Variants in CA10 observed in about 807,000 individuals in gnomAD.
CA10 encodes carbonic anhydrase-related protein 10.
Under a neutral mutation model 44.2 loss-of-function variants are expected in CA10, and 14 were observed. The ratio of observed to expected loss-of-function variants is 0.32; its 90% CI spans 0.21 to 0.50. The LOEUF is 0.50. Among genes scored for constraint, CA10 ranks in the 20% least tolerant of loss-of-function variants. The pLI, the probability that CA10 is intolerant of heterozygous loss-of-function variation, is 0.99. For missense variants in CA10, 350 were observed against 409.7 expected, an observed-to-expected ratio of 0.85 and a Z score of 1.26; for synonymous variants, 159 against 141.6, an observed-to-expected ratio of 1.12 and a Z score of -0.87.
chr17:52,150,953 C>T (rs2143411463), intron 1 of CA10, among the ~76,000 whole-genome samples: 1 of 152,008 alleles, frequency 6.6e-6, no homozygotes, highest in East Asian at 1.9e-4. Flanking sequence ...AAGTGTATCA[C>T]TTAGAATGTC....
chr17:52,122,791 C>T (rs1989039849), intron 1 of CA10, among the ~76,000 whole-genome samples: 1 of 152,162 alleles, frequency 6.6e-6, no homozygotes. Flanking sequence ...TCAAGAGAAA[C>T]TGTAATTGGA....
chr17:51,968,152 ATT>A (rs1984150298), intron 2 of CA10, among the ~76,000 whole-genome samples: 1 of 151,886 alleles, frequency 6.6e-6, no homozygotes, highest in South Asian at 2.1e-4. Context: ...CAGTTTGATA[ATT>A]TGTTATAAAG....
At chr17:52,039,325 A>C (rs943940166) in intron 2 of CA10, among the ~76,000 whole-genome samples, 3 of 152,106 alleles carry the variant, frequency 2.0e-5, no homozygotes, top group African/African-American at 7.2e-5. Flanking sequence ...CTTCCATTCC[A>C]CACAGCACCT....
At chr17:52,058,190 TGGAACTCAGAAGGATCA>T (rs1340638409) in intron 2 of CA10, among the ~76,000 whole-genome samples, 1 of 152,164 alleles carries the variant, frequency 6.6e-6, no homozygotes, top group East Asian at 1.9e-4. Flanking sequence ...CTGGATCAGA[TGGAACTCAGAAGGATCA>T]GGAACTCAGT....
intron 2 of CA10, among the ~76,000 whole-genome samples, chr17:52,025,905 T>A (rs139970778): frequency 1.8e-3 from 269 of 152,208 alleles, no homozygotes; most frequent in African/African-American, 6.1e-3. Flanking sequence ...CAGGATGTAT[T>A]TCTATGCTTT....
At chr17:51,882,968 G>A (rs1057057349) in intron 3 of CA10, among the ~76,000 whole-genome samples, 3 of 142,416 alleles carry the variant, frequency 2.1e-5, no homozygotes, top group African/African-American at 7.4e-5. Flanking sequence ...CTTGGGTAAG[G>A]TACTGGTGGA....
At chr17:52,099,112 C>T (rs1333491129) in intron 1 of CA10, among the ~76,000 whole-genome samples, 1 of 152,004 alleles carries the variant, frequency 6.6e-6, no homozygotes, top group Non-Finnish European at 1.5e-5. Flanking sequence ...GTCATTTAAG[C>T]TCAGACCTGC....
At chr17:51,713,932 C>T (rs1310968634) in intron 4 of CA10, among the ~76,000 whole-genome samples, 1 of 152,164 alleles carries the variant, frequency 6.6e-6, no homozygotes, top group African/African-American at 2.4e-5. Context: ...TTCTTGTGGT[C>T]CTTGATTCTA....
chr17:52,029,534 C>G (rs900158459), intron 2 of CA10, among the ~76,000 whole-genome samples: 3 of 144,178 alleles, frequency 2.1e-5, no homozygotes, highest in Admixed American at 2.1e-4. Flanking sequence ...CACCCCACAA[C>G]AGGCTTAGGA....
chr17:51,777,862 G>A (rs182124335), intron 3 of CA10, among the ~76,000 whole-genome samples: 1 of 152,154 alleles, frequency 6.6e-6, no homozygotes, highest in African/African-American at 2.4e-5. Flanking sequence ...AGCCTGGGAG[G>A]TTGAGGCTGT....
In CA10 at chr17:52,008,759, G is replaced by A. The variant is rs1250163202; in HGVS notation, c.136+63560C>T. On this transcript the variant is annotated intron_variant, in intron 2 of 8. Coordinates refer to ENST00000451037, the MANE Select transcript of CA10 (RefSeq NM_020178.5). The stretch of plus-strand genomic sequence containing the variant: ...AAAAAAATGGAACTGAAACATGAAT[G>A]TATTGGGCTTCCTATCCAAGCTTAT... Among the ~76,000 whole-genome samples the A allele has an allele frequency of 3.3e-5, 5 of 151,796 alleles. No homozygotes were observed. In the South Asian group the frequency reaches 1.0e-3, roughly 32 times the overall value.
At chr17:52,040,389 G>GT (rs1438130423) in intron 2 of CA10, among the ~76,000 whole-genome samples, 1 of 151,846 alleles carries the variant, frequency 6.6e-6, no homozygotes, top group Non-Finnish European at 1.5e-5. Flanking sequence ...TTTGCTCTCT[G>GT]TTTTTCCTTG....
At chr17:51,781,646 G>T (rs1906064964) in intron 3 of CA10, among the ~76,000 whole-genome samples, 1 of 152,142 alleles carries the variant, frequency 6.6e-6, no homozygotes, top group South Asian at 2.1e-4. Context: ...AAACACAATA[G>T]GACTCAATGA....
intron 3 of CA10, among the ~76,000 whole-genome samples, chr17:51,837,027 G>A (rs946830055): frequency 6.6e-6 from 1 of 152,086 alleles, no homozygotes; most frequent in Non-Finnish European, 1.5e-5. Flanking sequence ...TATTGTATGA[G>A]CATTTATAAT....
At chr17:51,657,855 A>G (rs942501233) in intron 4 of CA10, among the ~76,000 whole-genome samples, 6 of 152,188 alleles carry the variant, frequency 3.9e-5, no homozygotes, top group African/African-American at 1.4e-4. Flanking sequence ...TCGGGGGCTA[A>G]TGATGACATG....
At chr17:52,111,459 A>G (rs1988787554) in intron 1 of CA10, among the ~76,000 whole-genome samples, 1 of 152,222 alleles carries the variant, frequency 6.6e-6, no homozygotes, top group Admixed American at 6.5e-5. Context: ...GCAAGAACCC[A>G]GATTTAAAGA....
At chr17:52,057,971 G>A (rs1987276625) in intron 2 of CA10, among the ~76,000 whole-genome samples, 2 of 151,956 alleles carry the variant, frequency 1.3e-5, no homozygotes, top group Admixed American at 6.6e-5. Flanking sequence ...GAAATTTCCT[G>A]GTGTGACTAG....
Position 51,906,923 on chromosome 17 carries a change from C to G in CA10, c.279+24067G>C, listed in dbSNP as rs537375556. 2.0e-5 allele frequency among the ~76,000 whole-genome samples: 3 copies of G among 152,250 alleles called. No homozygotes were observed. The South Asian group carries it at 6.2e-4, about 32-fold the overall frequency. On this transcript the variant is annotated intron_variant, in intron 3 of 8. Coordinates refer to ENST00000451037, the MANE Select transcript of CA10 (RefSeq NM_020178.5). ...CATCAACCATGTCTTATGTCTCTTC[C>G]AGATGACACAGTGGTTTCCTAGTGT...
At chr17:51,911,100 G>A (rs545208318) in intron 3 of CA10, among the ~76,000 whole-genome samples, 24 of 152,258 alleles carry the variant, frequency 1.6e-4, no homozygotes, top group Non-Finnish European at 2.8e-4. Flanking sequence ...GTGACATTAC[G>A]TGGTTCCACT....
Sources: gnomAD v4.1 joint callset for allele counts (sites outside exome capture counted in the v4.1 genomes callset) on GRCh38, gnomAD v4.1.1 for gene constraint, MANE v1.5 for transcripts, NCBI Gene and HGNC (gene_info 2026-07-23, HGNC 2026-07-21) for gene names.